TEAD1: variants seen among roughly 807,000 people sequenced by gnomAD.
TEAD1 encodes transcriptional enhancer factor TEF-1.
Under a neutral mutation model 54.9 loss-of-function variants are expected in TEAD1, and 9 were observed. That is an observed-to-expected ratio of 0.16 (90% CI 0.10 to 0.29). The LOEUF is 0.29. Among genes scored for constraint, TEAD1 ranks in the 10% least tolerant of loss-of-function variants. The pLI, the probability that TEAD1 is intolerant of heterozygous loss-of-function variation, is 1.00. For synonymous variants in TEAD1, 200 were observed against 187.8 expected (o/e 1.07, Z -0.53); for missense variants, 387 against 535.9 (o/e 0.72, Z 2.74).
At chr11:12,752,049 C>CGAAT (rs1944882372) in intron 2 of TEAD1, among the ~76,000 whole-genome samples, 1 of 152,156 alleles carries the variant, frequency 6.6e-6, no homozygotes, top group Non-Finnish European at 1.5e-5. Context: ...CACATCCTTG[C>CGAAT]ATTCACTCTA....
intron 3 of TEAD1, among the ~76,000 whole-genome samples, chr11:12,831,058 G>C (rs984017816): frequency 6.6e-6 from 1 of 152,142 alleles, no homozygotes; most frequent in Non-Finnish European, 1.5e-5. Flanking sequence ...AGTTCCAGCC[G>C]TTCAGTTCCA....
At chr11:12,738,332 CAATA>C (rs1392707302) in intron 2 of TEAD1, among the ~76,000 whole-genome samples, 1 of 152,160 alleles carries the variant, frequency 6.6e-6, no homozygotes, top group East Asian at 1.9e-4. Context: ...AATTTAGCAT[CAATA>C]AATATTTAGC....
At chr11:12,726,560 A>AT (rs1486199293) in intron 2 of TEAD1, among the ~76,000 whole-genome samples, 3 of 151,890 alleles carry the variant, frequency 2.0e-5, no homozygotes, top group Admixed American at 2.0e-4. Context: ...GGGGGAAAAA[A>AT]AGTAAAACAC....
At chr11:12,933,574 G>A (rs556791730) in intron 12 of TEAD1, among the ~76,000 whole-genome samples, 274 of 150,714 alleles carry the variant, frequency 1.8e-3, no homozygotes, top group South Asian at 0.013. Context: ...GTCTTTTTTC[G>A]TCCCCAAATA....
At chr11:12,827,005 C>T (rs987170381) in intron 3 of TEAD1, among the ~76,000 whole-genome samples, 4 of 152,152 alleles carry the variant, frequency 2.6e-5, no homozygotes, top group Non-Finnish European at 5.9e-5. Context: ...TAGGGAATTC[C>T]TCTCAACTCT....
rs1192714947 is a variant in TEAD1, at chr11:12,942,217, T to C, written c.*4995T>C. On this transcript the variant is annotated 3_prime_UTR_variant, in exon 13 of 13. Transcript: ENST00000527636. ...TTTGTGAATCTTCTGCACTCTAGCA[T>C]GAAAGTGCCTTTGGTTTGAGATTCC... is the stretch of plus-strand genomic sequence containing the variant. 6.5e-6 allele frequency: 1 copy of C among 152,692 alleles called. No homozygotes were observed. The highest frequency in any genetic ancestry group is 2.4e-5 in the African/African-American group (1 of 41,474). The allele number at this position is 152,692 out of a possible 1,614,324, so 9.5% of individuals were successfully genotyped here.
intron 10 of TEAD1, among the ~76,000 whole-genome samples, chr11:12,909,403 C>T (rs777433539): frequency 9.2e-5 from 14 of 152,070 alleles, no homozygotes; most frequent in Admixed American, 3.3e-4. Flanking sequence ...AAGCCATCAT[C>T]GTTAGCAAAC....
intron 3 of TEAD1, among the ~76,000 whole-genome samples, chr11:12,841,478 T>TC (rs1947039894): frequency 6.6e-6 from 1 of 152,196 alleles, no homozygotes; most frequent in Non-Finnish European, 1.5e-5. Context: ...CAAGGGAAAC[T>TC]CAATGGGGAA....
At chr11:12,851,493 A>G (rs1307041224) in intron 3 of TEAD1, among the ~76,000 whole-genome samples, 1 of 152,116 alleles carries the variant, frequency 6.6e-6, no homozygotes, top group East Asian at 1.9e-4. Context: ...ATGCAGTAAA[A>G]TTTATTTTTT....
intron 2 of TEAD1, among the ~76,000 whole-genome samples, chr11:12,699,964 A>AT (rs1304282389): frequency 6.6e-6 from 1 of 152,194 alleles, no homozygotes; most frequent in Non-Finnish European, 1.5e-5. Flanking sequence ...GTGTGAATTC[A>AT]TTGTGAAAGT....
intron 2 of TEAD1, among the ~76,000 whole-genome samples, chr11:12,760,493 C>T (rs1945078079): frequency 6.6e-6 from 1 of 152,110 alleles, no homozygotes; most frequent in South Asian, 2.1e-4. Context: ...CTACCTCTTG[C>T]CCCAGTACTG....
At chr11:12,913,009 A>G (rs1352857977) in intron 10 of TEAD1, among the ~76,000 whole-genome samples, 7 of 152,314 alleles carry the variant, frequency 4.6e-5, no homozygotes, top group Admixed American at 4.6e-4. Flanking sequence ...TGCTGCCACA[A>G]TTAGCTTGAT....
intron 10 of TEAD1, among the ~76,000 whole-genome samples, chr11:12,920,625 C>A (rs1364279080): frequency 5.3e-5 from 8 of 152,154 alleles, no homozygotes; most frequent in African/African-American, 1.4e-4. Flanking sequence ...GGTATTCTAC[C>A]ACACCCAGCT....
chr11:12,856,286 T>C (rs1947377436), intron 3 of TEAD1, among the ~76,000 whole-genome samples: 1 of 152,194 alleles, frequency 6.6e-6, no homozygotes, highest in Non-Finnish European at 1.5e-5. Flanking sequence ...TCATTGGTTC[T>C]TGTTGCCAAG....
At chr11:12,788,444 T>A (rs1315488362) in intron 3 of TEAD1, among the ~76,000 whole-genome samples, 1 of 152,156 alleles carries the variant, frequency 6.6e-6, no homozygotes, top group East Asian at 1.9e-4. Context: ...ATCTTCCACC[T>A]TTTACTAAAT....
At chr11:12,889,825 G>A (rs1018985810) in intron 9 of TEAD1, among the ~76,000 whole-genome samples, 1 of 152,056 alleles carries the variant, frequency 6.6e-6, no homozygotes, top group African/African-American at 2.4e-5. Flanking sequence ...AGGCTCAAGG[G>A]ATTGTCCCAT....
chr11:12,697,713 G>C (rs914061155), intron 2 of TEAD1, among the ~76,000 whole-genome samples: 22 of 152,170 alleles, frequency 1.4e-4, no homozygotes, highest in African/African-American at 5.1e-4. Flanking sequence ...TGAAAGAAGG[G>C]GGGTATGTAG....
chr11:12,788,403 A>T (rs1945727049), intron 3 of TEAD1, among the ~76,000 whole-genome samples: 1 of 152,062 alleles, frequency 6.6e-6, no homozygotes, highest in African/African-American at 2.4e-5. Flanking sequence ...AAGTGCTAGG[A>T]TTACAGGCAT....
chr11:12,878,132 G>C (rs1947892601), intron 5 of TEAD1, among the ~76,000 whole-genome samples: 2 of 152,018 alleles, frequency 1.3e-5, no homozygotes, highest in Admixed American at 6.5e-5. Context: ...TTCTTTATTG[G>C]CTCTTTTTCA....
Sources: gnomAD v4.1 joint callset for allele counts (sites outside exome capture counted in the v4.1 genomes callset) on GRCh38, gnomAD v4.1.1 for gene constraint, MANE v1.5 for transcripts, NCBI Gene and HGNC (gene_info 2026-07-23, HGNC 2026-07-21) for gene names.